Variants in PAPOLG observed in about 807,000 individuals in gnomAD.
PAPOLG encodes poly(A) polymerase gamma.
In PAPOLG, 40 loss-of-function variants were observed where a neutral mutation model predicts 99.0. The ratio of observed to expected loss-of-function variants is 0.40; its 90% confidence interval spans 0.31 to 0.53. The LOEUF (loss-of-function observed/expected upper bound fraction) is 0.53, where lower values mean the gene tolerates loss of function less well. Among genes scored for constraint, PAPOLG ranks in the 20% least tolerant of loss-of-function variants. The probability of loss-of-function intolerance (pLI) is 0.41; values close to 1 mark genes in which losing one functional copy is unlikely to be tolerated. For synonymous variants in PAPOLG, 310 were observed against 299.3 expected, an observed-to-expected ratio of 1.04 and a Z score of -0.37; for missense variants, 675 against 884.1, an observed-to-expected ratio of 0.76 and a Z score of 3.00.
intron 5 of PAPOLG, among the ~76,000 whole-genome samples, chr2:60,770,031 G>T (rs1205521451): frequency 2.1e-5 from 3 of 145,986 alleles, no homozygotes; most frequent in Non-Finnish European, 3.0e-5. Context: ...TTGGTTTTCT[G>T]TTCCTATGTT....
Position 60,771,614 on chromosome 2 carries a change from T to C in PAPOLG, c.588T>C (p.Cys196=). ...GCCTGAGAAGCCTTGATATAAGGTG[T>C]ATTCGCAGCTTAAATGGTAAGCTTC... ...DSRLRSLDIR[C]IRSLNGCRVT... is the part of the protein sequence containing the mutation. Residue 196 remains cysteine (C), a synonymous_variant, in exon 7 of 22, where the codon TGT becomes TGC. Transcript: ENST00000238714. 6.2e-7 allele frequency: 1 copy of C among 1,600,830 alleles called. No homozygotes were observed.
At position 60,788,699 on chromosome 2, in the gene PAPOLG, G is replaced by C. The variant is rs373087901; in HGVS notation, c.1396+1079G>C. On this transcript the variant is annotated intron_variant, in intron 15 of 21. Transcript: ENST00000238714. The stretch of plus-strand genomic sequence containing the variant: ...GGTTTGTGATCACAGTCTTAAAGAT[G>C]ACTTGATTTTTGCCAGGCACGGTGG... 2.0e-5 allele frequency among the ~76,000 whole-genome samples: 3 copies of C among 152,072 alleles called. 1 individual carries two copies. In the East Asian group the frequency reaches 5.8e-4, roughly 29 times the overall value.
intron 3 of PAPOLG, among the ~76,000 whole-genome samples, chr2:60,763,080 TA>T (rs1362669992): frequency 2.0e-5 from 3 of 149,510 alleles, no homozygotes; most frequent in African/African-American, 7.4e-5. Context: ...AATTTTATTT[TA>T]TTTTTTTTTT....
Position 60,782,650 on chromosome 2 carries a change from CTTCTTTTTTTTTTTTTT to C in PAPOLG, c.1028-33_1028-17del. ...CTGGTCCCTTTTCAAAATCATTCTT[CTTCTTTTTTTTTTTTTT>C]TTTTTTTTTTTAATTTAGGTCTTGC... On this transcript the variant is annotated intron_variant, in intron 11 of 21. Coordinates refer to ENST00000238714, the MANE Select transcript of PAPOLG (RefSeq NM_022894.4). 1.6e-6 allele frequency: 2 copies of C among 1,236,812 alleles called. No homozygotes were observed. Among genetic ancestry groups the C allele is most frequent in the Non-Finnish European group, 2.0e-6 (2 of 976,282 alleles). The allele number at this position is 1,236,812 out of a possible 1,614,324, so 76.6% of individuals were successfully genotyped here.
chr2:60,757,318 C>G (rs1212865024), intron 1 of PAPOLG, among the ~76,000 whole-genome samples: 1 of 152,208 alleles, frequency 6.6e-6, no homozygotes, highest in Non-Finnish European at 1.5e-5. Context: ...GAAGGACTCT[C>G]CTACCTCCTT....
chr2:60,799,977 A>G lies in PAPOLG; in HGVS notation c.*2817A>G, dbSNP rs369090699. 30 of 151,812 alleles carry G rather than the reference A, an allele frequency of 2.0e-4. No individual in the cohort carries two copies. In the East Asian group the frequency reaches 5.1e-3, roughly 26 times the overall value. 9.4% of individuals were successfully genotyped at this position (151,812 alleles called of 1,614,324 possible). A position where few individuals can be genotyped will look rare whatever the true frequency, so the allele number is the denominator to read the frequency against. On this transcript the variant is annotated 3_prime_UTR_variant, in exon 22 of 22. Coordinates refer to ENST00000238714, the MANE Select transcript of PAPOLG (RefSeq NM_022894.4). Reference sequence around the variant, plus strand: ...CCTAGAAGTATATTTTATGAAGTCAAATAATCTGTTCTTCAGTATATAGAC... The same window carrying G: ...CCTAGAAGTATATTTTATGAAGTCAGATAATCTGTTCTTCAGTATATAGAC...
intron 19 of PAPOLG, 141 bp from the exon 20 acceptor site, chr2:60,794,569 T>A (rs1028153010): frequency 2.5e-5 from 18 of 716,930 alleles, no homozygotes; most frequent in Non-Finnish European, 3.4e-5. Flanking sequence ...TCAATCTAAT[T>A]TAAATTATCT....
chr2:60,770,652 C>G, intron 6 of PAPOLG, 141 bp downstream of exon 6: 1 of 550,720 alleles, frequency 1.8e-6, no homozygotes, highest in Non-Finnish European at 3.1e-6. Context: ...GAGATGGGGT[C>G]TAACTCTATG....
intron 8 of PAPOLG, among the ~76,000 whole-genome samples, chr2:60,775,675 G>C (rs1670993876): frequency 3.3e-5 from 5 of 151,988 alleles, no homozygotes; most frequent in Admixed American, 3.3e-4. Context: ...TTGTAGGTTT[G>C]GTTCCAGACA....
chr2:60,794,297 A>C (rs1671634019), intron 19 of PAPOLG, 106 bp downstream of exon 19: 1 of 1,156,092 alleles, frequency 8.6e-7, no homozygotes, highest in East Asian at 2.6e-5. Flanking sequence ...AGTTGGCTGA[A>C]AAGAATATTT....
intron 5 of PAPOLG, 45 bp downstream of exon 5, chr2:60,768,935 C>A: frequency 1.4e-6 from 2 of 1,383,446 alleles, no homozygotes; most frequent in Non-Finnish European, 2.0e-6. Context: ...AGATTAGTAA[C>A]AAATATCTAT....
intron 7 of PAPOLG, among the ~76,000 whole-genome samples, chr2:60,774,291 G>A (rs180879157): frequency 1.2e-3 from 189 of 151,690 alleles, no homozygotes; most frequent in Non-Finnish European, 7.4e-5. Context: ...GGTGAAAAAA[G>A]CCTTAGTATT....
At chr2:60,776,458 C>G (rs1671024010) in intron 8 of PAPOLG, among the ~76,000 whole-genome samples, 1 of 121,690 alleles carries the variant, frequency 8.2e-6, no homozygotes, top group South Asian at 2.9e-4. Flanking sequence ...GATGGAGTCT[C>G]ACTGTCTCGC....
At chr2:60,789,824 T>G (rs1442248664) in intron 15 of PAPOLG, among the ~76,000 whole-genome samples, 1 of 152,226 alleles carries the variant, frequency 6.6e-6, no homozygotes, top group African/African-American at 2.4e-5. Flanking sequence ...GCGTGGTGGC[T>G]CACGCCTGTA....
At chr2:60,756,793 G>C (rs112789311) in intron 1 of PAPOLG, among the ~76,000 whole-genome samples, 145 of 152,162 alleles carry the variant, frequency 9.5e-4, no homozygotes, top group African/African-American at 3.4e-3. Context: ...AGAAATTGTC[G>C]GTCACTCGCC....
At chr2:60,782,949 T>C (rs1057037097) in intron 12 of PAPOLG, among the ~76,000 whole-genome samples, 179 bp downstream of exon 12, 1 of 152,128 alleles carries the variant, frequency 6.6e-6, no homozygotes, top group African/African-American at 2.4e-5. Context: ...TAATCCAGTA[T>C]TAGTGACTTT....
At chr2:60,763,282 G>C (rs1433098001) in intron 3 of PAPOLG, among the ~76,000 whole-genome samples, 1 of 149,666 alleles carries the variant, frequency 6.7e-6, no homozygotes, top group Non-Finnish European at 1.5e-5. Context: ...GAGTATCACT[G>C]TATTACCCAG....
At chr2:60,792,084 T>A (rs751089411) in intron 16 of PAPOLG, 45 bp from the exon 17 acceptor site, 1 of 1,546,996 alleles carries the variant, frequency 6.5e-7, no homozygotes, top group East Asian at 2.3e-5. Context: ...AGTCTTTATA[T>A]TGTCATTTGC....
At chr2:60,773,772 G>T (rs1670928902) in intron 7 of PAPOLG, among the ~76,000 whole-genome samples, 1 of 151,268 alleles carries the variant, frequency 6.6e-6, no homozygotes, top group African/African-American at 2.4e-5. Context: ...CAAGCTCATA[G>T]TAACAGATAA....
Sources: gnomAD v4.1 joint callset for allele counts (sites outside exome capture counted in the v4.1 genomes callset) on GRCh38, gnomAD v4.1.1 for gene constraint, MANE v1.5 for transcripts, NCBI Gene and HGNC (gene_info 2026-07-23, HGNC 2026-07-21) for gene names.